Variants in ARHGEF10L observed in about 807,000 individuals in gnomAD.
The protein encoded by ARHGEF10L is rho guanine nucleotide exchange factor 10-like protein.
A neutral mutation model predicts 141.2 loss-of-function variants in ARHGEF10L; 69 were observed. The observed-to-expected ratio is 0.49, with a 90% CI of 0.40 to 0.60. The LOEUF (loss-of-function observed/expected upper bound fraction) is 0.60. Ranked by LOEUF, ARHGEF10L falls within the 20% of genes least tolerant of loss-of-function variation. The pLI, the probability that ARHGEF10L is intolerant of heterozygous loss-of-function variation, is 0.00. For missense variants in ARHGEF10L, 1,482 were observed against 1,734.3 expected (o/e 0.85, Z 2.58); for synonymous variants, 711 against 718.5 (o/e 0.99, Z 0.17).
rs748309847 is a variant in ARHGEF10L, at chr1:17,621,515, G to A, written c.943-349G>A. Among the ~76,000 whole-genome samples the A allele has an allele frequency of 5.9e-5, 9 of 152,190 alleles. No homozygotes were observed. The highest frequency in any genetic ancestry group is 2.2e-4 in the African/African-American group (9 of 41,452). On this transcript the variant is annotated intron_variant, in intron 10 of 28. Transcript: ENST00000361221. The surrounding 1 kb of genome is among the most constrained non-coding windows in gnomAD (Gnocchi z 4.1). ...CCCAAAGTGCTGGGATTACAAGCAT[G>A]AGCCACCTTGCCTGGCCTAGGATTT...
At chr1:17,613,272 C>T in intron 8 of ARHGEF10L, 98 bp downstream of exon 8, 2 of 976,406 alleles carry the variant, frequency 2.0e-6, no homozygotes, top group East Asian at 4.9e-5. Flanking sequence ...ACGAAGCCTA[C>T]CAGGCCCACC....
chr1:17,540,303 ACTTCTTC>A (rs1309212486), intron 1 of ARHGEF10L, among the ~76,000 whole-genome samples: 1 of 138,216 alleles, frequency 7.2e-6, no homozygotes, highest in African/African-American at 2.8e-5. Context: ...CCTGTGGTCC[ACTTCTTC>A]CTGCGCTGAC....
rs1016805062 is a variant in ARHGEF10L, at chr1:17,558,405, T to C, written c.-44+18455T>C. Among the ~76,000 whole-genome samples the C allele has an allele frequency of 4.6e-5, 7 of 152,250 alleles. No homozygotes were observed. The highest frequency in any genetic ancestry group is 1.0e-4 in the Non-Finnish European group (7 of 68,044). ...GGCATTATTCTTGCCTTCAAGGAAC[T>C]CACAGTCTAGTGGGCTGTCAGAAAA... On this transcript the variant is annotated intron_variant, in intron 1 of 28. Coordinates refer to ENST00000361221, the MANE Select transcript of ARHGEF10L (RefSeq NM_018125.4). This position sits in a 1 kb window ranked among gnomAD's most constrained non-coding sequence, Gnocchi z 4.2.
At chr1:17,622,082 T>C (rs1291774001) in intron 11 of ARHGEF10L, 141 bp downstream of exon 11, 1 of 781,602 alleles carries the variant, frequency 1.3e-6, no homozygotes, top group Non-Finnish European at 2.1e-6. Flanking sequence ...ATGGGGACAG[T>C]AGAACCTCCA....
intron 22 of ARHGEF10L, 51 bp downstream of exon 22, chr1:17,648,726 C>G (rs1317391397): frequency 1.3e-6 from 2 of 1,593,020 alleles, no homozygotes; most frequent in Non-Finnish European, 1.7e-6. Flanking sequence ...CTGCGGCTCC[C>G]CCTCGCCTGG....
chr1:17,630,695 A>C (rs1400825155), intron 15 of ARHGEF10L, among the ~76,000 whole-genome samples: 1 of 152,174 alleles, frequency 6.6e-6, no homozygotes, highest in Non-Finnish European at 1.5e-5. Context: ...CAGTTTCCTC[A>C]CCTGGGCAAT....
Position 17,587,508 on chromosome 1 carries a change from A to G in ARHGEF10L, c.86A>G (p.Asp29Gly). The G allele has an allele frequency of 6.2e-7, 1 of 1,614,056 alleles. No individual in the cohort carries two copies. Among genetic ancestry groups the G allele is most frequent in the Non-Finnish European group, 8.5e-7 (1 of 1,180,000 alleles). The stretch of plus-strand genomic sequence containing the variant: ...CCAGGCCCCTCCTCTGAGGCAGAGG[A>G]CGACCCAGGAGAGGCGTTTGAGTTT... The part of the protein sequence containing the change: ...GVPGPSSEAE[D>G]DPGEAFEFDD... Residue 29 changes from aspartate to glycine, a missense_variant, in exon 3 of 29, where the codon GAC (aspartate) becomes GGC (glycine). Coordinates refer to ENST00000361221, the MANE Select transcript of ARHGEF10L (RefSeq NM_018125.4).
rs1165210605 is a variant in ARHGEF10L, at chr1:17,656,223, C to A, written c.2705+121C>A. 11 of 1,244,916 alleles carry A rather than the reference C, an allele frequency of 8.8e-6. No individual in the cohort carries two copies. Among genetic ancestry groups the A allele is most frequent in the Non-Finnish European group, 1.2e-5 (11 of 900,504 alleles). 77.1% of individuals were successfully genotyped at this position (1,244,916 alleles called of 1,614,324 possible). A position where few individuals can be genotyped will look rare whatever the true frequency, so the allele number is the denominator to read the frequency against. ...ACCAACATTCTCTGCCCCTGGTCTC[C>A]AGGAAGGTGGGCACCAGAGCTGCCC... On this transcript the variant is annotated intron_variant, in intron 24 of 28. Transcript: ENST00000361221. This position sits in a 1 kb window ranked among gnomAD's most constrained non-coding sequence, Gnocchi z 4.9.
At position 17,655,437 on chromosome 1, in the gene ARHGEF10L, G is replaced by GTCCATCCATCCA. The variant is rs55790600; in HGVS notation, c.2482-411_2482-400dup. Reference sequence around the variant, plus strand: ...CCTTCCATCTATCTGTCTATCATCTGTCCATCCATCCATCCATCCATCCAT... The same window carrying GTCCATCCATCCA: ...CCTTCCATCTATCTGTCTATCATCTGTCCATCCATCCATCCATCCATCCATCCATCCATCCAT... On this transcript the variant is annotated intron_variant, in intron 23 of 28. Coordinates refer to ENST00000361221, the MANE Select transcript of ARHGEF10L (RefSeq NM_018125.4). Among the ~76,000 whole-genome samples the GTCCATCCATCCA allele has an allele frequency of 1.3e-5, 2 of 148,478 alleles. 1 individual carries two copies. The highest frequency in any genetic ancestry group is 5.0e-5 in the African/African-American group (2 of 40,344).
At chr1:17,566,562 C>T (rs1005087012) in intron 1 of ARHGEF10L, among the ~76,000 whole-genome samples, 2 of 152,204 alleles carry the variant, frequency 1.3e-5, no homozygotes, top group Non-Finnish European at 2.9e-5. Context: ...TTGCCCAGGC[C>T]ACAGAGAAGC....
At chr1:17,591,490 C>A (rs963156856) in intron 4 of ARHGEF10L, among the ~76,000 whole-genome samples, 3 of 151,172 alleles carry the variant, frequency 2.0e-5, no homozygotes, top group African/African-American at 7.3e-5. Flanking sequence ...CGGCTCACTG[C>A]AACCTTTGCC....
intron 1 of ARHGEF10L, among the ~76,000 whole-genome samples, chr1:17,554,420 G>A (rs2077225702): frequency 6.6e-6 from 1 of 151,928 alleles, no homozygotes; most frequent in Non-Finnish European, 1.5e-5. Context: ...AGAGCTAGAA[G>A]AGTTTTCAGG....
intron 6 of ARHGEF10L, chr1:17,604,943 G>A (rs2081036877): frequency 6.6e-6 from 1 of 152,236 alleles, no homozygotes; most frequent in Non-Finnish European, 1.5e-5. Context: ...TTCATGGCCT[G>A]GGTGTCACAC....
intron 1 of ARHGEF10L, among the ~76,000 whole-genome samples, chr1:17,572,833 G>C (rs2078059740): frequency 1.3e-5 from 2 of 152,180 alleles, no homozygotes; most frequent in Admixed American, 6.5e-5. Flanking sequence ...CTGACCCCTG[G>C]AGGTGAGGAG....
intron 22 of ARHGEF10L, among the ~76,000 whole-genome samples, chr1:17,649,025 G>A (rs1007416212): frequency 2.6e-5 from 4 of 152,248 alleles, no homozygotes; most frequent in East Asian, 3.9e-4. Flanking sequence ...TTCGCCAGGC[G>A]GGAGCCGGCT....
intron 1 of ARHGEF10L, among the ~76,000 whole-genome samples, chr1:17,563,324 T>C (rs1253362095): frequency 6.6e-6 from 1 of 151,312 alleles, no homozygotes; most frequent in Non-Finnish European, 1.5e-5. Flanking sequence ...ACCCTCGACC[T>C]CCCAGGCTCA....
chr1:17,629,732 G>A (rs144061834), intron 15 of ARHGEF10L, among the ~76,000 whole-genome samples: 11 of 152,270 alleles, frequency 7.2e-5, no homozygotes, highest in Middle Eastern at 3.4e-3. Context: ...CTCGAGTTTG[G>A]AATGTCTCGG....
At chr1:17,544,688 T>TTG (rs368810048) in intron 1 of ARHGEF10L, among the ~76,000 whole-genome samples, 1 of 152,152 alleles carries the variant, frequency 6.6e-6, no homozygotes. Context: ...ATTTGCTGCT[T>TTG]TGTGTGTGTG....
At chr1:17,555,571 T>C (rs1317493274) in intron 1 of ARHGEF10L, among the ~76,000 whole-genome samples, 1 of 152,174 alleles carries the variant, frequency 6.6e-6, no homozygotes, top group Non-Finnish European at 1.5e-5. Flanking sequence ...GTCAGGCTGG[T>C]CTTGAACTCC....
Sources: gnomAD v4.1 joint callset for allele counts (sites outside exome capture counted in the v4.1 genomes callset) on GRCh38, gnomAD v4.1.1 for gene constraint, Gnocchi (gnomAD v3.1) non-coding constraint, MANE v1.5 for transcripts, NCBI Gene and HGNC (gene_info 2026-07-23, HGNC 2026-07-21) for gene names.